FER1L6: variants seen among roughly 807,000 people sequenced by gnomAD.
FER1L6 encodes the protein fer-1-like protein 6.
Under a neutral mutation model 219.2 loss-of-function variants are expected in FER1L6, and 177 were observed. The observed-to-expected ratio is 0.81, with a 90% CI of 0.71 to 0.91. FER1L6 has a LOEUF of 0.91. Ranked by LOEUF, FER1L6 falls within the 40% of genes least tolerant of loss-of-function variation. The pLI, the probability that FER1L6 is intolerant of heterozygous loss-of-function variation, is 0.00. For missense variants in FER1L6, 2,153 were observed against 2,259.9 expected (o/e 0.95, Z 0.96); for synonymous variants, 768 against 824.3 (o/e 0.93, Z 1.17).
intron 37 of FER1L6, among the ~76,000 whole-genome samples, chr8:124,100,090 A>G (rs1822486653): frequency 6.6e-6 from 1 of 152,108 alleles, no homozygotes; most frequent in African/African-American, 2.4e-5. Flanking sequence ...AATTGGGCCC[A>G]TACCCTGAGT....
intron 1 of FER1L6, among the ~76,000 whole-genome samples, chr8:123,908,091 T>G (rs1389102425): frequency 6.6e-6 from 1 of 152,000 alleles, no homozygotes; most frequent in East Asian, 1.9e-4. Context: ...GCTTGAAAAA[T>G]GGATGTTAAA....
At chr8:123,964,692 G>A (rs1015982505) in intron 3 of FER1L6, among the ~76,000 whole-genome samples, 3 of 152,154 alleles carry the variant, frequency 2.0e-5, no homozygotes, top group Non-Finnish European at 4.4e-5. Context: ...GAGAAGGAAG[G>A]AATAACAGCC....
chr8:124,035,561 C>A, intron 19 of FER1L6, 107 bp downstream of exon 19: 2 of 1,085,354 alleles, frequency 1.8e-6, no homozygotes, highest in Non-Finnish European at 2.6e-6. Context: ...TATTTTAGGG[C>A]CAACTTATTG....
intron 1 of FER1L6, among the ~76,000 whole-genome samples, chr8:123,856,316 G>GTGTATGTATATATATATATA (rs71576706): frequency 4.4e-5 from 2 of 45,110 alleles, no homozygotes; most frequent in African/African-American, 8.7e-5. Context: ...ATATGTATGT[G>GTGTATGTATATATATATATA]TATATATATA....
At position 124,017,784 on chromosome 8, in the gene FER1L6, G is replaced by T. The variant is rs1158731900; in HGVS notation, c.2013+66G>T. 8 of 1,312,662 alleles carry T rather than the reference G, an allele frequency of 6.1e-6. No individual in the cohort carries two copies. In the East Asian group the frequency reaches 1.6e-4, roughly 27 times the overall value. 81.3% of individuals were successfully genotyped at this position (1,312,662 alleles called of 1,614,324 possible). On this transcript the variant is annotated intron_variant, in intron 16 of 40. Coordinates refer to ENST00000522917, the MANE Select transcript of FER1L6 (RefSeq NM_001039112.2). Reference sequence around the variant, plus strand: ...AATAAACCTCACGGATGAGGCATAGGTCACAGACCAAATGAGGTTGAGGTT... The same window carrying T: ...AATAAACCTCACGGATGAGGCATAGTTCACAGACCAAATGAGGTTGAGGTT...
At chr8:124,057,876 T>G (rs1820378200) in intron 22 of FER1L6, among the ~76,000 whole-genome samples, 1 of 152,228 alleles carries the variant, frequency 6.6e-6, no homozygotes. Flanking sequence ...TATTGAAATT[T>G]TTTATCTGGT....
intron 1 of FER1L6, among the ~76,000 whole-genome samples, chr8:123,928,959 C>T (rs552980986): frequency 5.1e-4 from 78 of 152,086 alleles, no homozygotes; most frequent in Non-Finnish European, 8.8e-4. Context: ...GACTTAATTA[C>T]CAGTGAAATA....
chr8:124,021,691 C>G (rs1192964005), intron 17 of FER1L6, 22 bp downstream of exon 17: 1 of 1,612,600 alleles, frequency 6.2e-7, no homozygotes, highest in African/African-American at 1.3e-5. Flanking sequence ...TAAAGGCAAA[C>G]CTCATTTGGA....
intron 21 of FER1L6, among the ~76,000 whole-genome samples, chr8:124,049,398 G>T (rs962882248): frequency 6.6e-6 from 1 of 152,082 alleles, no homozygotes; most frequent in Non-Finnish European, 1.5e-5. Context: ...GTCCTGGCCA[G>T]CCAGGATGAC....
intron 12 of FER1L6, among the ~76,000 whole-genome samples, chr8:123,989,053 T>C (rs930645170): frequency 1.3e-4 from 20 of 151,926 alleles, no homozygotes; most frequent in Non-Finnish European, 2.9e-5. Flanking sequence ...TGTTAAATTT[T>C]ATCAAATGCT....
intron 1 of FER1L6, among the ~76,000 whole-genome samples, chr8:123,946,298 C>T (rs899242949): frequency 6.6e-6 from 1 of 152,182 alleles, no homozygotes; most frequent in African/African-American, 2.4e-5. Flanking sequence ...GTCATGCAAG[C>T]TGGAATGCAG....
Position 123,896,912 on chromosome 8 carries a change from C to T in FER1L6, c.-8+44727C>T, listed in dbSNP as rs74478385. ...GGGGATAGGCTTCTGAAACTTAACT[C>T]GCCGAAGCCCATCTTGGCTCCTCCT... On this transcript the variant is annotated intron_variant, in intron 1 of 40. Coordinates refer to ENST00000522917, the MANE Select transcript of FER1L6 (RefSeq NM_001039112.2). 4.1e-3 allele frequency among the ~76,000 whole-genome samples: 629 copies of T among 152,244 alleles called. 6 individuals are homozygous for T. The highest frequency in any genetic ancestry group is 0.014 in the African/African-American group (590 of 41,546).
Position 123,975,135 on chromosome 8 carries a change from A to G in FER1L6, c.527-15A>G, listed in dbSNP as rs771876779. ...CCATCTGTGAAGGATGTGAGCTGTC[A>G]GGGTGCTTTCACAGGTCATCAGTTC... On this transcript the variant is annotated splice_polypyrimidine_tract_variant and intron_variant, in intron 7 of 40. Transcript: ENST00000522917. The G allele has an allele frequency of 1.3e-6, 2 of 1,577,068 alleles. No individual in the cohort carries two copies. Among genetic ancestry groups the G allele is most frequent in the South Asian group, 2.3e-5 (2 of 86,260 alleles).
intron 14 of FER1L6, among the ~76,000 whole-genome samples, chr8:124,011,647 CTT>C (rs551341750): frequency 0.014 from 1,811 of 133,846 alleles, 37 homozygotes; most frequent in African/African-American, 0.046. Context: ...CCATGCCTGA[CTT>C]TTTTTTTTTT....
rs769102239 is a variant in FER1L6, at chr8:124,091,559, A to ACTAT, written c.4531_4534dup (p.Phe1512TyrfsTer4). Reference sequence around the variant, plus strand: ...AGGAAACCAAGTCTTTTCTGGAAAAACTATCTTCACTGAAGAGGACACTGG... The same window carrying ACTAT: ...AGGAAACCAAGTCTTTTCTGGAAAAACTATCTATCTTCACTGAAGAGGACACTGG... On this transcript the variant is annotated frameshift_variant, in exon 34 of 41. Coordinates refer to ENST00000522917, the MANE Select transcript of FER1L6 (RefSeq NM_001039112.2). LOFTEE classifies it high-confidence loss of function. 4.0e-5 allele frequency: 64 copies of ACTAT among 1,613,920 alleles called. No homozygotes were observed. Among genetic ancestry groups the ACTAT allele is most frequent in the Non-Finnish European group, 4.8e-5 (57 of 1,179,936 alleles).
At position 124,097,072 on chromosome 8, in the gene FER1L6, GATATATAT is replaced by G. The variant is rs565301549; in HGVS notation, c.4696-183_4696-176del. On this transcript the variant is annotated intron_variant, in intron 35 of 40. Coordinates refer to ENST00000522917, the MANE Select transcript of FER1L6 (RefSeq NM_001039112.2). ...CTTAATTTATGCTCTAATTCCTAAA[GATATATAT>G]ATATATATATATATACATACATACA... Among the ~76,000 whole-genome samples, 46 of 146,862 alleles carry G rather than the reference GATATATAT, an allele frequency of 3.1e-4. No homozygotes were observed. The East Asian group carries it at 8.7e-3, about 28-fold the overall frequency.
At chr8:124,057,853 GATTTC>G (rs1264595264) in intron 22 of FER1L6, among the ~76,000 whole-genome samples, 2 of 151,770 alleles carry the variant, frequency 1.3e-5, no homozygotes, top group Non-Finnish European at 2.9e-5. Flanking sequence ...TTTTATTATA[GATTTC>G]ATTTATCTAT....
In FER1L6 at chr8:124,010,673, C is replaced by T. The variant is rs1563741608; in HGVS notation, c.1780C>T (p.Leu594=). Residue 594 remains leucine (L), a synonymous_variant, in exon 14 of 41, where the codon CTG becomes TTG. Transcript: ENST00000522917. ...CTCTTGGGGAGACCAGACCTTCAGG[C>T]TGCACTGGTCCAACATGCTGGAGAA... ...ISSWGDQTFR[L]HWSNMLEKMA... 1.2e-6 allele frequency: 2 copies of T among 1,613,982 alleles called. No individual in the cohort carries two copies. Among genetic ancestry groups the T allele is most frequent in the Admixed American group, 1.7e-5 (1 of 60,022 alleles).
At position 124,060,532 on chromosome 8, in the gene FER1L6, C is replaced by G. The variant is rs1272040550; in HGVS notation, c.2986-16C>G. On this transcript the variant is annotated splice_polypyrimidine_tract_variant and intron_variant, in intron 23 of 40. Coordinates refer to ENST00000522917, the MANE Select transcript of FER1L6 (RefSeq NM_001039112.2). Reference sequence around the variant, plus strand: ...CCGTGGATCTGTGGTGATGGCTCTGCTGGTCTTTTCCTCAGGTTCTCTTCT... The same window carrying G: ...CCGTGGATCTGTGGTGATGGCTCTGGTGGTCTTTTCCTCAGGTTCTCTTCT... 6.2e-7 allele frequency: 1 copy of G among 1,613,050 alleles called. No individual in the cohort carries two copies. The highest frequency in any genetic ancestry group is 1.3e-5 in the African/African-American group (1 of 74,980).
Sources: allele counts gnomAD v4.1 joint callset (sites outside exome capture counted in the v4.1 genomes callset), GRCh38; gene constraint gnomAD v4.1.1; transcripts MANE v1.5; gene names NCBI Gene and HGNC (gene_info 2026-07-23, HGNC 2026-07-21).